MGAT4C: variants seen among roughly 807,000 people sequenced by gnomAD.
MGAT4C encodes the protein alpha-1,3-mannosyl-glycoprotein 4-beta-N-acetylglucosaminyltransferase C.
In MGAT4C, 19 loss-of-function variants were observed where a neutral mutation model predicts 40.1. The observed-to-expected ratio is 0.47, with a 90% CI of 0.33 to 0.70. The LOEUF is 0.70. Ranked by LOEUF, MGAT4C falls within the 30% of genes least tolerant of loss-of-function variation. The pLI is 0.02. For missense variants in MGAT4C, 491 were observed against 563.2 expected (o/e 0.87, Z 1.30); for synonymous variants, 181 against 187.1 (o/e 0.97, Z 0.27).
In MGAT4C at chr12:86,566,525, CATATACATATATATATAT is replaced by C. The variant is rs1383306418; in HGVS notation, c.-228-131278_-228-131261del. On this transcript the variant is annotated intron_variant, in intron 2 of 7. Transcript: ENST00000548651. Reference sequence around the variant, plus strand: ...CATGTGAGTTAATACTTAGTAAACTCATATACATATATATATATATATATATATATATATATATATATA... The same window carrying C: ...CATGTGAGTTAATACTTAGTAAACTCATATATATATATATATATATATATA... 9.0e-4 allele frequency among the ~76,000 whole-genome samples: 64 copies of C among 70,968 alleles called. 5 individuals carry two copies. The highest frequency in any genetic ancestry group is 2.2e-3 in the East Asian group (4 of 1,856). The allele number at this position is 70,968 out of a possible 152,430, so 46.6% of individuals were successfully genotyped here. A position where few individuals can be genotyped will look rare whatever the true frequency, so the allele number is the denominator to read the frequency against.
chr12:86,337,377 G>A (rs1052953812), intron 3 of MGAT4C, among the ~76,000 whole-genome samples: 3 of 151,952 alleles, frequency 2.0e-5, no homozygotes, highest in Admixed American at 1.3e-4. Flanking sequence ...AAGGTGGATC[G>A]CTTGAGCCTA....
chr12:86,289,776 C>T (rs7303642), intron 4 of MGAT4C, among the ~76,000 whole-genome samples: 2 of 151,960 alleles, frequency 1.3e-5, no homozygotes, highest in African/African-American at 2.4e-5. Context: ...ACTTTGCTAA[C>T]GTGTTATTTT....
At chr12:86,219,128 C>T (rs915759695) in intron 1 of MGAT4C, among the ~76,000 whole-genome samples, 4 of 151,738 alleles carry the variant, frequency 2.6e-5, no homozygotes, top group African/African-American at 9.7e-5. Flanking sequence ...TGCAGTGAGC[C>T]GAGATTGCAC....
chr12:86,212,010 A>G (rs1950489133), intron 1 of MGAT4C, among the ~76,000 whole-genome samples: 1 of 152,202 alleles, frequency 6.6e-6, no homozygotes. Context: ...CTCAGAAAAG[A>G]AAAATATCTT....
At chr12:86,670,182 C>T (rs930091302) in intron 2 of MGAT4C, among the ~76,000 whole-genome samples, 1 of 151,772 alleles carries the variant, frequency 6.6e-6, no homozygotes, top group African/African-American at 2.4e-5. Context: ...AAAGGATGGC[C>T]CTAGCTCTCC....
At chr12:86,313,551 C>T (rs1288139875) in intron 4 of MGAT4C, among the ~76,000 whole-genome samples, 2 of 152,010 alleles carry the variant, frequency 1.3e-5, no homozygotes, top group Non-Finnish European at 2.9e-5. Context: ...AGGCAGTTAA[C>T]TAAAAGCAGA....
chr12:86,389,711 G>A (rs898227169), intron 3 of MGAT4C, among the ~76,000 whole-genome samples: 2 of 152,124 alleles, frequency 1.3e-5, no homozygotes, highest in African/African-American at 2.4e-5. Flanking sequence ...ACTACTGGGT[G>A]TAAGTATCAA....
At chr12:86,264,900 C>T (rs1952748313) in intron 4 of MGAT4C, among the ~76,000 whole-genome samples, 1 of 152,232 alleles carries the variant, frequency 6.6e-6, no homozygotes, top group Non-Finnish European at 1.5e-5. Flanking sequence ...AGGCCCCTGC[C>T]GCCTCAGCCC....
chr12:86,121,540 T>C (rs564178970), intron 1 of MGAT4C, among the ~76,000 whole-genome samples: 1 of 152,254 alleles, frequency 6.6e-6, no homozygotes, highest in Non-Finnish European at 1.5e-5. Flanking sequence ...AGACTAACAG[T>C]GGATCTCTCG....
intron 2 of MGAT4C, among the ~76,000 whole-genome samples, chr12:86,483,641 T>A (rs960990098): frequency 6.6e-6 from 1 of 151,726 alleles, no homozygotes; most frequent in Non-Finnish European, 1.5e-5. Flanking sequence ...ATTTGCATTA[T>A]GGAGAGTGAT....
intron 2 of MGAT4C, among the ~76,000 whole-genome samples, chr12:86,500,307 T>C (rs1372210922): frequency 6.6e-6 from 1 of 151,778 alleles, no homozygotes; most frequent in African/African-American, 2.4e-5. Context: ...ATCAGATTTA[T>C]TTATGTAAAT....
At chr12:86,473,834 G>C (rs1448552481) in intron 2 of MGAT4C, among the ~76,000 whole-genome samples, 1 of 152,084 alleles carries the variant, frequency 6.6e-6, no homozygotes, top group Non-Finnish European at 1.5e-5. Flanking sequence ...AGAGAATCGG[G>C]CCTTTTTAGG....
intron 3 of MGAT4C, among the ~76,000 whole-genome samples, chr12:86,433,786 G>C (rs1175573964): frequency 1.3e-5 from 2 of 152,012 alleles, no homozygotes; most frequent in African/African-American, 2.4e-5. Context: ...GAAAAATTAA[G>C]TCTCATTGTA....
chr12:86,794,835 A>G (rs1952084237), intron 1 of MGAT4C, among the ~76,000 whole-genome samples: 1 of 151,842 alleles, frequency 6.6e-6, no homozygotes, highest in Non-Finnish European at 1.5e-5. Context: ...TATGACTCAG[A>G]TTTATAAAGT....
At chr12:86,405,044 C>T (rs1956437271) in intron 3 of MGAT4C, among the ~76,000 whole-genome samples, 1 of 151,758 alleles carries the variant, frequency 6.6e-6, no homozygotes, top group African/African-American at 2.4e-5. Flanking sequence ...ATAAAAGAAA[C>T]AAGAAAAAAA....
intron 3 of MGAT4C, among the ~76,000 whole-genome samples, chr12:85,986,018 T>G (rs1294163509): frequency 6.6e-6 from 1 of 152,184 alleles, no homozygotes; most frequent in Non-Finnish European, 1.5e-5. Context: ...ATCTAGAAAT[T>G]TTGTGTTATA....
At chr12:86,818,961 C>T (rs10858496) in intron 1 of MGAT4C, among the ~76,000 whole-genome samples, 48,211 of 150,710 alleles carry the variant, frequency 0.32, 9,446 homozygotes, top group Admixed American at 0.46. Context: ...TATATACCCA[C>T]TAGAAGGGTG....
intron 1 of MGAT4C, among the ~76,000 whole-genome samples, chr12:86,833,517 G>T (rs1307631826): frequency 6.6e-6 from 1 of 151,740 alleles, no homozygotes; most frequent in Non-Finnish European, 1.5e-5. Context: ...GTAGATGTCC[G>T]TCTTCTCCCT....
intron 2 of MGAT4C, among the ~76,000 whole-genome samples, chr12:86,506,940 A>C (rs2136342049): frequency 6.6e-6 from 1 of 152,256 alleles, no homozygotes; most frequent in Non-Finnish European, 1.5e-5. Context: ...TTACTTAGAG[A>C]TTTTAGCCAA....
Sources: allele counts gnomAD v4.1 joint callset (sites outside exome capture counted in the v4.1 genomes callset), GRCh38; gene constraint gnomAD v4.1.1; transcripts MANE v1.5; gene names NCBI Gene and HGNC (gene_info 2026-07-23, HGNC 2026-07-21).